The following ACOT7 variants were observed in gnomAD, a reference collection of about 807,000 sequenced individuals.
ACOT7 encodes cytosolic acyl coenzyme A thioester hydrolase.
In ACOT7, 12 loss-of-function variants were observed where a neutral mutation model predicts 40.2. The observed-to-expected ratio is 0.30, with a 90% CI of 0.19 to 0.48. ACOT7 has a LOEUF of 0.48. Ranked by LOEUF, ACOT7 falls within the 20% of genes least tolerant of loss-of-function variation. The probability of loss-of-function intolerance (pLI) is 0.99; values close to 1 mark genes in which losing one functional copy is unlikely to be tolerated. For synonymous variants in ACOT7, 228 were observed against 219.5 expected (o/e 1.04, Z -0.34); for missense variants, 395 against 530.8 (o/e 0.74, Z 2.51).
At chr1:6,384,138 TAA>T (rs1319568971) in intron 1 of ACOT7, among the ~76,000 whole-genome samples, 1 of 151,820 alleles carries the variant, frequency 6.6e-6, no homozygotes, top group African/African-American at 2.4e-5. Flanking sequence ...CTAGAATATA[TAA>T]AGAGCTCTCA....
rs1641801146 is a variant in ACOT7, at chr1:6,358,206, C to A, written c.144-8340G>T. 6.6e-6 allele frequency among the ~76,000 whole-genome samples: 1 copy of A among 152,066 alleles called. No homozygotes were observed. The highest frequency in any genetic ancestry group is 1.5e-5 in the Non-Finnish European group (1 of 68,026). On this transcript the variant is annotated intron_variant, in intron 1 of 8. Coordinates refer to ENST00000361521, the MANE Select transcript of ACOT7 (RefSeq NM_007274.4). This position sits in a 1 kb window ranked among gnomAD's most constrained non-coding sequence, Gnocchi z 4.1. Reference sequence around the variant, plus strand: ...CTTTGACTTGCTGCCTAAGGCAGTTCCGGCGAAGTCCCTTCAACCCACAGA... The same window carrying A: ...CTTTGACTTGCTGCCTAAGGCAGTTACGGCGAAGTCCCTTCAACCCACAGA...
At chr1:6,375,937 CA>C (rs112245593) in intron 1 of ACOT7, among the ~76,000 whole-genome samples, 38,612 of 127,126 alleles carry the variant, frequency 0.3, 9,635 homozygotes, top group African/African-American at 0.69. Context: ...GACTCCACCT[CA>C]AAAAAAAAAA....
chr1:6,373,128 C>T (rs1642162676), intron 1 of ACOT7, among the ~76,000 whole-genome samples: 1 of 152,096 alleles, frequency 6.6e-6, no homozygotes, highest in South Asian at 2.1e-4. Flanking sequence ...ATCACCATAA[C>T]AAAAATGATA....
At chr1:6,265,703 T>C (rs752014436) in intron 8 of ACOT7, among the ~76,000 whole-genome samples, 9 of 152,232 alleles carry the variant, frequency 5.9e-5, no homozygotes, top group Non-Finnish European at 1.0e-4. Context: ...ATGTTCTGAC[T>C]GGCCCCACCC....
chr1:6,356,446 C>T (rs902504695), intron 1 of ACOT7, among the ~76,000 whole-genome samples: 1 of 151,952 alleles, frequency 6.6e-6, no homozygotes, highest in African/African-American at 2.4e-5. Context: ...ACCCTCAGCC[C>T]CGCTCAGCAC....
In ACOT7 at chr1:6,278,484, G is replaced by T. The variant is rs2148375421; in HGVS notation, c.1014+2618C>A. On this transcript the variant is annotated intron_variant, in intron 8 of 8. Transcript: ENST00000361521. The surrounding 1 kb of genome is among the most constrained non-coding windows in gnomAD (Gnocchi z 4.1). ...CACTGGGTGGGCGTGGGCATGGGGG[G>T]AGTAGGGAGGAGCCAGCTGGGTTCC... 6.6e-6 allele frequency among the ~76,000 whole-genome samples: 1 copy of T among 152,270 alleles called. No individual in the cohort carries two copies. The highest frequency in any genetic ancestry group is 1.5e-5 in the Non-Finnish European group (1 of 68,010).
At chr1:6,343,676 T>C (rs1285635878) in intron 2 of ACOT7, among the ~76,000 whole-genome samples, 1 of 152,278 alleles carries the variant, frequency 6.6e-6, no homozygotes, top group African/African-American at 2.4e-5. Flanking sequence ...GCACCGCCTC[T>C]GGGCAGGGCA....
chr1:6,316,994 TG>T, intron 6 of ACOT7, among the ~76,000 whole-genome samples: 1 of 152,104 alleles, frequency 6.6e-6, no homozygotes, highest in South Asian at 2.1e-4. Context: ...CAGCACAGAG[TG>T]GTGTCGTTTG....
chr1:6,378,193 TGGCTCAA>T (rs1482359544), intron 1 of ACOT7, among the ~76,000 whole-genome samples: 2 of 129,810 alleles, frequency 1.5e-5, no homozygotes, highest in Non-Finnish European at 1.7e-5. Flanking sequence ...CGAGAGGTAG[TGGCTCAA>T]GGTAAGACTG....
At chr1:6,371,784 C>T (rs1273345167) in intron 1 of ACOT7, among the ~76,000 whole-genome samples, 2 of 152,020 alleles carry the variant, frequency 1.3e-5, no homozygotes, top group Non-Finnish European at 2.9e-5. Flanking sequence ...GGGGCTCACG[C>T]CTGTAATCTC....
rs2148371708 is a variant in ACOT7 at position 6,275,872 on chromosome 1, C to T, written c.1014+5230G>A. Among the ~76,000 whole-genome samples, 1 of 152,314 alleles carries T rather than the reference C, an allele frequency of 6.6e-6. No homozygotes were observed. The highest frequency in any genetic ancestry group is 2.1e-4 in the South Asian group (1 of 4,828). ...TGTGTTCATGAGCACCAGAGAGACC[C>T]TCTGGGATGGGCTCCCTCCAGTTTG... On this transcript the variant is annotated intron_variant, in intron 8 of 8. Transcript: ENST00000361521. The surrounding 1 kb of genome is among the most constrained non-coding windows in gnomAD (Gnocchi z 5.6).
Position 6,393,392 on chromosome 1 carries a change from CGCG to C in ACOT7, c.5_7del (p.Ala2_Arg3delinsGly). On this transcript the variant is annotated inframe_deletion, in exon 1 of 9. Coordinates refer to ENST00000361521, the MANE Select transcript of ACOT7 (RefSeq NM_007274.4). The stretch of plus-strand genomic sequence containing the variant: ...CGGCGCGGAATGAATGAGCCCGGGC[CGCG>C]CCATAAAGGGGGAGGGCAGAGGTGG... 8.1e-7 allele frequency: 1 copy of C among 1,230,142 alleles called. No individual in the cohort carries two copies. Among genetic ancestry groups the C allele is most frequent in the Non-Finnish European group, 1.0e-6 (1 of 983,106 alleles). The allele number at this position is 1,230,142 out of a possible 1,614,324, so 76.2% of individuals were successfully genotyped here.
chr1:6,292,936 C>G (rs939423878), intron 7 of ACOT7, among the ~76,000 whole-genome samples: 6 of 149,828 alleles, frequency 4.0e-5, no homozygotes, highest in African/African-American at 1.5e-4. Flanking sequence ...GTCGCCCAGC[C>G]TGGAGTGCAG....
At chr1:6,265,144 A>G (rs1367060593) in intron 8 of ACOT7, among the ~76,000 whole-genome samples, 1 of 152,180 alleles carries the variant, frequency 6.6e-6, no homozygotes. Flanking sequence ...GCTGAACGGA[A>G]GTGGAAAGGA....
intron 7 of ACOT7, among the ~76,000 whole-genome samples, chr1:6,293,817 C>G (rs1397083222): frequency 6.6e-6 from 1 of 152,252 alleles, no homozygotes; most frequent in African/African-American, 2.4e-5. Context: ...CTCAGTAATT[C>G]CAGGGAGGGA....
rs1342753776 is a variant in ACOT7 at position 6,311,196 on chromosome 1, C to A, written c.712+7296G>T. 1.3e-5 allele frequency among the ~76,000 whole-genome samples: 2 copies of A among 152,236 alleles called. No homozygotes were observed. Among genetic ancestry groups the A allele is most frequent in the African/African-American group, 4.8e-5 (2 of 41,456 alleles). ...CTCCCGATGAGGATACCCACCTTGA[C>A]TTCTGTTTCAGAGCAGAGTTAGTTT... On this transcript the variant is annotated intron_variant, in intron 6 of 8. Transcript: ENST00000361521. The surrounding 1 kb of genome is among the most constrained non-coding windows in gnomAD (Gnocchi z 5.2).
intron 1 of ACOT7, among the ~76,000 whole-genome samples, chr1:6,370,670 T>C (rs1052260660): frequency 4.0e-5 from 6 of 151,310 alleles, no homozygotes; most frequent in African/African-American, 1.5e-4. Context: ...TTGTATATTT[T>C]TTAGTAGAGA....
intron 3 of ACOT7, 66 bp downstream of exon 3, chr1:6,339,367 G>A: frequency 6.2e-7 from 1 of 1,604,220 alleles, no homozygotes; most frequent in Non-Finnish European, 8.5e-7. Flanking sequence ...TCTGCCCTCA[G>A]GAGGGAAGCA....
chr1:6,358,977 C>G lies in ACOT7; in HGVS notation c.144-9111G>C. ...GGCTTGGTGGGGAGCACCCCCCACC[C>G]CCAGCTTCCTGAGCTGCCCAATCTG... On this transcript the variant is annotated intron_variant, in intron 1 of 8. Transcript: ENST00000361521. This position sits in a 1 kb window ranked among gnomAD's most constrained non-coding sequence, Gnocchi z 4.1. The G allele has an allele frequency of 6.9e-7, 1 of 1,444,172 alleles. No homozygotes were observed. The highest frequency in any genetic ancestry group is 1.4e-5 in the African/African-American group (1 of 70,432). 89.5% of individuals were successfully genotyped at this position (1,444,172 alleles called of 1,614,324 possible).
Sources: allele counts gnomAD v4.1 joint callset (sites outside exome capture counted in the v4.1 genomes callset), GRCh38; gene constraint gnomAD v4.1.1; non-coding constraint Gnocchi (gnomAD v3.1); transcripts MANE v1.5; gene names NCBI Gene and HGNC (gene_info 2026-07-23, HGNC 2026-07-21).